Variants in AMZ2 observed in about 807,000 individuals in gnomAD.
The protein encoded by AMZ2 is archaemetzincin-2.
AMZ2 carries 26 observed loss-of-function variants against 36.7 expected under a neutral mutation model. The observed-to-expected ratio is 0.71, with a 90% confidence interval of 0.52 to 0.98. The LOEUF (loss-of-function observed/expected upper bound fraction) is 0.98. AMZ2 is among the 50% of genes least tolerant of loss of function. The pLI is 0.00. For missense variants in AMZ2, 394 were observed against 430.5 expected, an observed-to-expected ratio of 0.92 and a Z score of 0.75; for synonymous variants, 144 against 149.1, an observed-to-expected ratio of 0.97 and a Z score of 0.25.
chr17:68,231,290 T>C (rs9907913), intron 1 of AMZ2, among the ~76,000 whole-genome samples: 138,764 of 152,098 alleles, frequency 0.91, 63,492 homozygotes, highest in East Asian at 1. Context: ...AGGTTGGTCT[T>C]GAATTCCTGG....
intron 1 of AMZ2, among the ~76,000 whole-genome samples, chr17:68,222,943 A>G (rs1555728953): frequency 1.3e-5 from 2 of 151,996 alleles, no homozygotes. Flanking sequence ...TCCTAGAGTC[A>G]GGAGAGAAGT....
chr17:68,233,274 T>A (rs1555731700), intron 1 of AMZ2, among the ~76,000 whole-genome samples: 1 of 152,168 alleles, frequency 6.6e-6, no homozygotes, highest in Non-Finnish European at 1.5e-5. Context: ...TTTGGGAGGC[T>A]GAGGCAAGTG....
intron 1 of AMZ2, among the ~76,000 whole-genome samples, chr17:68,215,596 G>C (rs2073175489): frequency 7.4e-6 from 1 of 135,784 alleles, no homozygotes; most frequent in African/African-American, 2.7e-5. Context: ...CATTGTAAGT[G>C]GAAATTCAGT....
chr17:68,229,926 C>G (rs7220972), intron 1 of AMZ2, among the ~76,000 whole-genome samples: 9,090 of 152,280 alleles, frequency 0.06, 483 homozygotes, highest in Admixed American at 0.13. Context: ...CGTGGCCTCT[C>G]TAACAGGAAA....
chr17:68,250,335 C>T lies in AMZ2; in HGVS notation c.148C>T (p.Pro50Ser), dbSNP rs535860485. 6.2e-6 allele frequency: 10 copies of T among 1,614,204 alleles called. No individual in the cohort carries two copies. Among genetic ancestry groups the T allele is most frequent in the African/African-American group, 5.3e-5 (4 of 75,042 alleles). Residue 50 changes from proline to serine, a missense_variant, in exon 2 of 7, where the codon CCC becomes TCC. Transcript: ENST00000359904. ...AFQPASDLFG[P>S]ITLHSPSDWI... ...CCAGCCAGCCAGTGATCTCTTTGGA[C>T]CCATTACCTTGCATTCTCCATCAGA...
Position 68,248,563 on chromosome 17 carries a change from G to A in AMZ2, c.-143G>A. ...AGCTTCCCTAGATTAGGCTTGGGAGGCAAGAGGAGGCCTCCTGACCTTTCA... is the reference window on the plus strand; with the variant it reads ...AGCTTCCCTAGATTAGGCTTGGGAGACAAGAGGAGGCCTCCTGACCTTTCA... On this transcript the variant is annotated 5_prime_UTR_variant, in exon 1 of 7. Transcript: ENST00000359904. 1.0e-6 allele frequency: 1 copy of A among 986,040 alleles called. No individual in the cohort carries two copies. The highest frequency in any genetic ancestry group is 4.7e-5 in the South Asian group (1 of 21,284). 61.1% of individuals were successfully genotyped at this position (986,040 alleles called of 1,614,324 possible). A position where few individuals can be genotyped will look rare whatever the true frequency, so the allele number is the denominator to read the frequency against.
Position 68,249,122 on chromosome 17 carries a change from C to T in AMZ2, c.-1+417C>T, listed in dbSNP as rs181397290. On this transcript the variant is annotated intron_variant, in intron 1 of 6. Transcript: ENST00000359904. ...GTGAGGCTGGCTTTTGATTAGTCAT[C>T]TGATGTCTTCCCTAATGTGACATGA... 9.5e-5 allele frequency: 112 copies of T among 1,178,732 alleles called. No individual in the cohort carries two copies. In the African/African-American group the frequency reaches 1.4e-3, roughly 15 times the overall value. 73.0% of individuals were successfully genotyped at this position (1,178,732 alleles called of 1,614,324 possible).
rs150307499 is a variant in AMZ2 at position 68,215,650 on chromosome 17, A to G, written c.-67+9412A>G. On this transcript the variant is annotated intron_variant, in intron 1 of 7. Coordinates refer to the AMZ2 transcript ENST00000674770. Reference sequence around the variant, plus strand: ...AGCCCGGTGCTTGTACTCTGTATAGACATTCAGCAGTTATAGCAGGTCACA... The same window carrying G: ...AGCCCGGTGCTTGTACTCTGTATAGGCATTCAGCAGTTATAGCAGGTCACA... Among the ~76,000 whole-genome samples the G allele has an allele frequency of 8.1e-3, 1,119 of 137,908 alleles. 208 individuals are homozygous for G. The highest frequency in any genetic ancestry group is 0.015 in the Non-Finnish European group (894 of 61,524). The allele number at this position is 137,908 out of a possible 152,430, so 90.5% of individuals were successfully genotyped here. A position where few individuals can be genotyped will look rare whatever the true frequency, so the allele number is the denominator to read the frequency against.
At chr17:68,209,056 T>C (rs1465969746) in intron 1 of AMZ2, among the ~76,000 whole-genome samples, 54 of 152,284 alleles carry the variant, frequency 3.5e-4, no homozygotes, top group African/African-American at 1.3e-3. Context: ...AGGTAATTTG[T>C]TTTGCCGGAT....
At chr17:68,248,021 G>C (rs16972845), upstream of AMZ2, 9 of 986,510 alleles carry the variant, frequency 9.1e-6, no homozygotes, top group African/African-American at 1.7e-5. Flanking sequence ...GGGGCGTGGC[G>C]CCAGTGGGCG....
rs1555732375 is a variant in AMZ2 at position 68,235,806 on chromosome 17, C to A, written c.-66-12834C>A. Among the ~76,000 whole-genome samples, 1 of 152,052 alleles carries A rather than the reference C, an allele frequency of 6.6e-6. No homozygotes were observed. The highest frequency in any genetic ancestry group is 2.4e-5 in the African/African-American group (1 of 41,394). On this transcript the variant is annotated intron_variant, in intron 1 of 7. Transcript: ENST00000674770. This position sits in a 1 kb window ranked among gnomAD's most constrained non-coding sequence, Gnocchi z 4.2. ...GCTGCCGTGGACTGGCCGTCCCTAC[C>A]CCTCCAAGACTTAGCCCAAAATCTT...
chr17:68,255,791 C>A lies in AMZ2; in HGVS notation c.842C>A (p.Ala281Asp). 1 of 1,614,190 alleles carries A rather than the reference C, an allele frequency of 6.2e-7. No homozygotes were observed. Among genetic ancestry groups the A allele is most frequent in the Non-Finnish European group, 8.5e-7 (1 of 1,180,028 alleles). Reference sequence around the variant, plus strand: ...CAAGGCTCCAACCACTTGGAAGAAGCTGACCGGCGCCCTCTAAACCTTTGC... The same window carrying A: ...CAAGGCTCCAACCACTTGGAAGAAGATGACCGGCGCCCTCTAAACCTTTGC... ...LMQGSNHLEE[A>D]DRRPLNLCPI... The change falls in exon 6 of 7, where the codon GCT becomes GAT. Residue 281 changes from alanine (A) to aspartate (D), a missense_variant. Coordinates refer to ENST00000359904, the MANE Select transcript of AMZ2 (RefSeq NM_016627.5).
At position 68,206,228 on chromosome 17, in the gene AMZ2, C is replaced by G. The variant is rs2072824569; in HGVS notation, c.-77C>G. The G allele has an allele frequency of 2.3e-6, 3 of 1,302,476 alleles. No homozygotes were observed. In the Admixed American group the frequency reaches 9.3e-5, roughly 40 times the overall value. 80.7% of individuals were successfully genotyped at this position (1,302,476 alleles called of 1,614,324 possible). On this transcript the variant is annotated 5_prime_UTR_variant, in exon 1 of 8. Coordinates refer to the AMZ2 transcript ENST00000674770. The stretch of plus-strand genomic sequence containing the variant: ...GCTTCAGGAGCCATAGTACCTACAG[C>G]AGCACTCCAGGTACCCACCCAGCCC...
At chr17:68,223,554 T>G (rs1385886366) in intron 1 of AMZ2, among the ~76,000 whole-genome samples, 2 of 152,232 alleles carry the variant, frequency 1.3e-5, no homozygotes, top group East Asian at 3.9e-4. Flanking sequence ...TTTTTTCTTT[T>G]TTGAGATGGA....
chr17:68,240,627 A>G (rs2073882847), intron 1 of AMZ2, among the ~76,000 whole-genome samples: 1 of 152,236 alleles, frequency 6.6e-6, no homozygotes, highest in African/African-American at 2.4e-5. Context: ...TAAGTGAGCC[A>G]CAAAATGAAT....
intron 1 of AMZ2, among the ~76,000 whole-genome samples, chr17:68,212,232 C>T (rs1396079871): frequency 6.6e-6 from 1 of 152,100 alleles, no homozygotes; most frequent in Non-Finnish European, 1.5e-5. Context: ...ATTAGCTAGG[C>T]ATGGTGGCAC....
chr17:68,247,533 C>T, upstream of AMZ2: 2 of 745,128 alleles, frequency 2.7e-6, no homozygotes, highest in Non-Finnish European at 3.3e-6. Context: ...GGACGCGCCC[C>T]ACACTTGCGC....
At chr17:68,254,714 C>G in intron 5 of AMZ2, 147 bp downstream of exon 5, 1 of 701,986 alleles carries the variant, frequency 1.4e-6, no homozygotes. Context: ...CTGAAATGAT[C>G]AGTAAAACAA....
At chr17:68,250,044 A>G in intron 1 of AMZ2, 144 bp from the exon 2 acceptor site, 2 of 832,356 alleles carry the variant, frequency 2.4e-6, no homozygotes, top group Non-Finnish European at 3.6e-6. Context: ...ACATGAGGAA[A>G]CCACTCTAAG....
Sources: gnomAD v4.1 joint callset for allele counts (sites outside exome capture counted in the v4.1 genomes callset) on GRCh38, gnomAD v4.1.1 for gene constraint, Gnocchi (gnomAD v3.1) non-coding constraint, MANE v1.5 for transcripts, NCBI Gene and HGNC (gene_info 2026-07-23, HGNC 2026-07-21) for gene names.